Variants in GALNT13 observed in about 807,000 individuals in gnomAD.
The protein encoded by GALNT13 is UDP-GalNAc:polypeptide N-acetylgalactosaminyltransferase 13.
Under a neutral mutation model 64.2 loss-of-function variants are expected in GALNT13, and 28 were observed. The ratio of observed to expected loss-of-function variants is 0.44; its 90% CI spans 0.32 to 0.60. GALNT13 has a LOEUF of 0.60. Ranked by LOEUF, GALNT13 falls within the 20% of genes least tolerant of loss-of-function variation. GALNT13 has a pLI of 0.05. For missense variants in GALNT13, 577 were observed against 669.8 expected (o/e 0.86, Z 1.53); for synonymous variants, 214 against 224.6 (o/e 0.95, Z 0.42).
chr2:154,401,047 G>A (rs1418743892), intron 10 of GALNT13, among the ~76,000 whole-genome samples: 1 of 152,132 alleles, frequency 6.6e-6, no homozygotes, highest in African/African-American at 2.4e-5. Flanking sequence ...TTTGCATGTT[G>A]CTTTGAAGAT....
At chr2:153,723,692 C>T in the GALNT13 span, among the ~76,000 whole-genome samples, 1 of 152,032 alleles carries the variant, frequency 6.6e-6, no homozygotes, top group Non-Finnish European at 1.5e-5. Flanking sequence ...CATGAGTGAA[C>T]TCCCATTCAC....
chr2:153,660,794 C>G, the GALNT13 span, among the ~76,000 whole-genome samples: 1 of 151,900 alleles, frequency 6.6e-6, no homozygotes, highest in African/African-American at 2.4e-5. Context: ...GAGAAAAGAG[C>G]AAGAGGTAGA....
chr2:154,152,239 A>G (rs1442096434), intron 4 of GALNT13, among the ~76,000 whole-genome samples: 1 of 152,118 alleles, frequency 6.6e-6, no homozygotes, highest in Non-Finnish European at 1.5e-5. Context: ...TCTTTTCTTT[A>G]AGAATGTTGA....
chr2:153,196,827 C>G, the GALNT13 span, among the ~76,000 whole-genome samples: 1 of 152,116 alleles, frequency 6.6e-6, no homozygotes, highest in Non-Finnish European at 1.5e-5. Context: ...GAGCATGGCA[C>G]CACCCTGGGC....
intron 3 of GALNT13, among the ~76,000 whole-genome samples, chr2:154,022,836 G>C (rs1697625675): frequency 6.6e-6 from 1 of 152,072 alleles, no homozygotes; most frequent in Non-Finnish European, 1.5e-5. Context: ...GGCATTTAGT[G>C]CTATAAATTT....
At chr2:153,831,177 C>A in the GALNT13 span, among the ~76,000 whole-genome samples, 1 of 152,126 alleles carries the variant, frequency 6.6e-6, no homozygotes, top group African/African-American at 2.4e-5. Context: ...TGCTTGTTGA[C>A]AAACTTTGCC....
chr2:153,962,750 C>A (rs899639287), intron 3 of GALNT13, among the ~76,000 whole-genome samples: 22 of 152,286 alleles, frequency 1.4e-4, no homozygotes, highest in Admixed American at 1.3e-3. Flanking sequence ...TTTAATCTCA[C>A]AATCATGACT....
the GALNT13 span, among the ~76,000 whole-genome samples, chr2:153,563,343 G>A: frequency 6.6e-6 from 1 of 151,884 alleles, no homozygotes; most frequent in Non-Finnish European, 1.5e-5. Flanking sequence ...ATTTGCATTT[G>A]CTGTTTTCTT....
chr2:153,925,777 C>T (rs1690092770), intron 2 of GALNT13, among the ~76,000 whole-genome samples: 1 of 151,742 alleles, frequency 6.6e-6, no homozygotes, highest in Non-Finnish European at 1.5e-5. Flanking sequence ...CCTTTATTTC[C>T]CTTGTCAGTT....
At chr2:154,137,366 A>G (rs2105569084) in intron 3 of GALNT13, among the ~76,000 whole-genome samples, 1 of 152,148 alleles carries the variant, frequency 6.6e-6, no homozygotes, top group Non-Finnish European at 1.5e-5. Flanking sequence ...AGAAGCTGTA[A>G]CAGAAGAATG....
chr2:153,717,203 TC>T, the GALNT13 span, among the ~76,000 whole-genome samples: 2 of 152,164 alleles, frequency 1.3e-5, no homozygotes, highest in Admixed American at 6.6e-5. Flanking sequence ...TTGCCATTTT[TC>T]CCCCTTCTGT....
intron 2 of GALNT13, among the ~76,000 whole-genome samples, chr2:153,908,448 G>C (rs187997889): frequency 2.0e-4 from 30 of 152,098 alleles, no homozygotes; most frequent in African/African-American, 6.7e-4. Flanking sequence ...TGGTGTTTTT[G>C]TCGTGAAACC....
At chr2:153,474,803 G>A in the GALNT13 span, among the ~76,000 whole-genome samples, 2 of 152,178 alleles carry the variant, frequency 1.3e-5, no homozygotes, top group Non-Finnish European at 1.5e-5. Flanking sequence ...AGCTTTTAGA[G>A]GAATCTGTCT....
the GALNT13 span, among the ~76,000 whole-genome samples, chr2:153,758,279 T>C: frequency 7.3e-5 from 11 of 150,424 alleles, no homozygotes; most frequent in African/African-American, 2.7e-4. Flanking sequence ...TTATCAAAAA[T>C]CAATTGACAG....
At chr2:153,606,735 C>A in the GALNT13 span, among the ~76,000 whole-genome samples, 1 of 151,978 alleles carries the variant, frequency 6.6e-6, no homozygotes, top group Non-Finnish European at 1.5e-5. Context: ...CAGAGTGAAG[C>A]CTTTTATCTC....
chr2:154,264,623 C>A (rs549382675), intron 8 of GALNT13, among the ~76,000 whole-genome samples: 1 of 151,722 alleles, frequency 6.6e-6, no homozygotes, highest in Non-Finnish European at 1.5e-5. Context: ...GACAACAGAG[C>A]GAGACTCTGT....
chr2:154,028,894 A>G (rs201758358), intron 3 of GALNT13, among the ~76,000 whole-genome samples: 7 of 152,028 alleles, frequency 4.6e-5, no homozygotes, highest in Non-Finnish European at 5.9e-5. Context: ...CAGATTCACA[A>G]CTTTTCATGG....
the GALNT13 span, among the ~76,000 whole-genome samples, chr2:153,224,543 C>T: frequency 2.0e-5 from 3 of 151,790 alleles, no homozygotes; most frequent in Non-Finnish European, 2.9e-5. Context: ...AACAGGAAAA[C>T]AATGGGGAAA....
chr2:153,670,555 A>C, the GALNT13 span, among the ~76,000 whole-genome samples: 1 of 152,228 alleles, frequency 6.6e-6, no homozygotes, highest in Non-Finnish European at 1.5e-5. Flanking sequence ...CCTCACCAAC[A>C]TCAAAGACCA....
Sources: allele counts gnomAD v4.1 joint callset (sites outside exome capture counted in the v4.1 genomes callset), GRCh38; gene constraint gnomAD v4.1.1; transcripts MANE v1.5; gene names NCBI Gene and HGNC (gene_info 2026-07-23, HGNC 2026-07-21).